The following CALU variants were observed in gnomAD, a reference collection of about 807,000 sequenced individuals.
CALU encodes IEF SSP 9302.
In CALU, 13 loss-of-function variants were observed where a neutral mutation model predicts 37.5. The ratio of observed to expected loss-of-function variants is 0.35; its 90% confidence interval spans 0.23 to 0.55. The LOEUF is 0.55. Ranked by LOEUF, CALU falls within the 20% of genes least tolerant of loss-of-function variation. The pLI, the probability that CALU is intolerant of heterozygous loss-of-function variation, is 0.89. For synonymous variants in CALU, 114 were observed against 133.8 expected (o/e 0.85, Z 1.02); for missense variants, 282 against 391.7 (o/e 0.72, Z 2.36).
Position 128,740,181 on chromosome 7 carries a change from C to CGTAGAGTG in CALU, c.-12+751_-12+758dup, listed in dbSNP as rs1189443961. Among the ~76,000 whole-genome samples the CGTAGAGTG allele has an allele frequency of 3.3e-5, 5 of 152,306 alleles. No homozygotes were observed. In the East Asian group the frequency reaches 7.7e-4, roughly 24 times the overall value. On this transcript the variant is annotated intron_variant, in intron 1 of 6. Transcript: ENST00000249364. The stretch of plus-strand genomic sequence containing the variant: ...ATTCCCTATAGCTGCCGCGATTAAG[C>CGTAGAGTG]GTAGAGTGGCTTGCAGTTTCAAAAG...
At chr7:128,753,558 T>C (rs1800756428) in intron 2 of CALU, among the ~76,000 whole-genome samples, 2 of 152,234 alleles carry the variant, frequency 1.3e-5, no homozygotes, top group Admixed American at 6.5e-5. Flanking sequence ...TATAATCAGA[T>C]ATACATTCTT....
rs1801638438 is a variant in CALU, at chr7:128,772,748, C to T, written c.*3581C>T. The T allele has an allele frequency of 3.9e-6, 6 of 1,546,890 alleles. No homozygotes were observed. Among genetic ancestry groups the T allele is most frequent in the South Asian group, 1.1e-5 (1 of 88,854 alleles). ...TATTCTCTGTATCACCAAAGCCTTG[C>T]ACAATGCTTTGTACCCAGAATGCCC... On this transcript the variant is annotated 3_prime_UTR_variant, in exon 7 of 7. Coordinates refer to ENST00000249364, the MANE Select transcript of CALU (RefSeq NM_001219.5).
At chr7:128,752,267 C>A (rs77068855) in intron 2 of CALU, among the ~76,000 whole-genome samples, 42,337 of 152,002 alleles carry the variant, frequency 0.28, 6,902 homozygotes, top group Non-Finnish European at 0.38. Context: ...AAGTAAAAAA[C>A]AATAAATTTT....
Position 128,747,102 on chromosome 7 carries a change from C to T in CALU, c.-11-1471C>T, listed in dbSNP as rs1050605251. On this transcript the variant is annotated intron_variant, in intron 1 of 6. Transcript: ENST00000249364. ...TAACCTTTGTGTATTTTTCCATAATCGAGATTTAATATATTTTACCAATTC... is the reference window on the plus strand; with the variant it reads ...TAACCTTTGTGTATTTTTCCATAATTGAGATTTAATATATTTTACCAATTC... Among the ~76,000 whole-genome samples the T allele has an allele frequency of 1.7e-4, 26 of 151,322 alleles. 1 individual carries two copies. The highest frequency in any genetic ancestry group is 4.4e-5 in the Non-Finnish European group (3 of 67,692).
intron 3 of CALU, among the ~76,000 whole-genome samples, chr7:128,755,851 G>A (rs745809263): frequency 5.7e-4 from 87 of 152,272 alleles, no homozygotes; most frequent in Non-Finnish European, 1.1e-3. Flanking sequence ...CTGGAAATTA[G>A]GCAACCTTCT....
At chr7:128,749,529 G>A (rs2128878703) in intron 2 of CALU, among the ~76,000 whole-genome samples, 1 of 152,220 alleles carries the variant, frequency 6.6e-6, no homozygotes, top group South Asian at 2.1e-4. Flanking sequence ...GGTCAATTTT[G>A]TAAAAATATT....
chr7:128,746,357 C>T (rs1206997422), intron 1 of CALU, among the ~76,000 whole-genome samples: 5 of 151,332 alleles, frequency 3.3e-5, no homozygotes, highest in Non-Finnish European at 5.9e-5. Flanking sequence ...AGGGTTTCAC[C>T]GTATTTCCCA....
At chr7:128,757,344 C>G (rs1212091665) in intron 3 of CALU, among the ~76,000 whole-genome samples, 1 of 144,988 alleles carries the variant, frequency 6.9e-6, no homozygotes, top group Non-Finnish European at 1.5e-5. Context: ...CCATCTCAAC[C>G]TATTATGGCT....
At chr7:128,754,063 C>T (rs893219435) in intron 2 of CALU, among the ~76,000 whole-genome samples, 199 bp from the exon 3 acceptor site, 30 of 152,196 alleles carry the variant, frequency 2.0e-4, no homozygotes, top group Middle Eastern at 3.2e-3. Flanking sequence ...TCCAAGTGCA[C>T]CAGCCATGAC....
chr7:128,768,862 A>AAAAAAAAAAAAAAAAAAC, intron 6 of CALU, among the ~76,000 whole-genome samples: 3 of 150,702 alleles, frequency 2.0e-5, no homozygotes, highest in Admixed American at 2.0e-4. Context: ...AAAAAAAAAA[A>AAAAAAAAAAAAAAAAAAC]AAAAAACAAG....
intron 2 of CALU, among the ~76,000 whole-genome samples, chr7:128,751,789 C>A (rs1455491577): frequency 6.6e-6 from 1 of 152,144 alleles, no homozygotes; most frequent in South Asian, 2.1e-4. Context: ...ATATTAGTCA[C>A]CCTTCTGGAG....
intron 3 of CALU, among the ~76,000 whole-genome samples, chr7:128,758,579 T>C (rs1800981734): frequency 6.6e-6 from 1 of 152,202 alleles, no homozygotes; most frequent in African/African-American, 2.4e-5. Context: ...CTTCCAGATG[T>C]AACTAGAAAA....
intron 1 of CALU, chr7:128,748,248 ATTC>A: frequency 1.3e-6 from 1 of 745,962 alleles, no homozygotes; most frequent in Non-Finnish European, 2.1e-6. Flanking sequence ...TTCACTTTTA[ATTC>A]TTATGAACTT....
At chr7:128,742,896 G>T (rs931850176) in intron 1 of CALU, among the ~76,000 whole-genome samples, 1 of 152,078 alleles carries the variant, frequency 6.6e-6, no homozygotes, top group Non-Finnish European at 1.5e-5. Context: ...TATATTTTCT[G>T]TTCTAATCTT....
rs1336889290 is a variant in CALU at position 128,748,746 on chromosome 7, G to A, written c.163G>A (p.Ala55Thr). ...TTATGACCATGATGCCTTCTTGGGT[G>A]CTGAAGAAGCAAAGACCTTTGATCA... is the stretch of plus-strand genomic sequence containing the variant. ...FDYDHDAFLG[A>T]EEAKTFDQLT... is the part of the protein sequence containing the mutation. Residue 55 changes from alanine (A) to threonine (T), a missense_variant, in exon 2 of 7, where the codon GCT becomes ACT. Transcript: ENST00000249364. 6 of 1,614,052 alleles carry A rather than the reference G, an allele frequency of 3.7e-6. No homozygotes were observed. The African/African-American group carries it at 6.7e-5, about 18-fold the overall frequency.
In CALU at chr7:128,772,077, T is replaced by TG. The variant is rs1562886486; in HGVS notation, c.*2910_*2911insG. Reference sequence around the variant, plus strand: ...GAGTTTTTTTTGTTTTTTTTTTTGTTTTGTTTTGTTTTTTCTTTATGTCTC... The same window carrying TG: ...GAGTTTTTTTTGTTTTTTTTTTTGTTGTTGTTTTGTTTTTTCTTTATGTCTC... On this transcript the variant is annotated 3_prime_UTR_variant, in exon 7 of 7. Transcript: ENST00000249364. Among the ~76,000 whole-genome samples, 30 of 95,106 alleles carry TG rather than the reference T, an allele frequency of 3.2e-4. No homozygotes were observed. Among genetic ancestry groups the TG allele is most frequent in the African/African-American group, 8.0e-4 (26 of 32,482 alleles). The allele number at this position is 95,106 out of a possible 152,430, so 62.4% of individuals were successfully genotyped here. A position where few individuals can be genotyped will look rare whatever the true frequency, so the allele number is the denominator to read the frequency against.
chr7:128,740,683 T>G (rs1800205029), intron 1 of CALU, among the ~76,000 whole-genome samples: 2 of 152,244 alleles, frequency 1.3e-5, no homozygotes, highest in South Asian at 4.1e-4. Flanking sequence ...AGGATTCTTT[T>G]GAGAATCACA....
At chr7:128,763,976 A>G (rs992221309) in intron 5 of CALU, among the ~76,000 whole-genome samples, 2 of 152,364 alleles carry the variant, frequency 1.3e-5, no homozygotes, top group South Asian at 2.1e-4. Flanking sequence ...CTTACATGCA[A>G]TGCAGGTACA....
chr7:128,762,955 C>T (rs1321004418), intron 5 of CALU, among the ~76,000 whole-genome samples: 2 of 152,152 alleles, frequency 1.3e-5, no homozygotes, highest in Admixed American at 1.3e-4. Flanking sequence ...GTGTGAGCCA[C>T]TGCACCTGCC....
Sources: gnomAD v4.1 joint callset for allele counts (sites outside exome capture counted in the v4.1 genomes callset) on GRCh38, gnomAD v4.1.1 for gene constraint, MANE v1.5 for transcripts, NCBI Gene and HGNC (gene_info 2026-07-23, HGNC 2026-07-21) for gene names.